The following ZNF609 variants were observed in gnomAD, a reference collection of about 807,000 sequenced individuals.
ZNF609 encodes zinc finger protein 609.
Under a neutral mutation model 109.5 loss-of-function variants are expected in ZNF609, and 11 were observed. The ratio of observed to expected loss-of-function variants is 0.10; its 90% CI spans 0.06 to 0.17. The LOEUF is 0.17. ZNF609 is among the 10% of genes least tolerant of loss of function. The probability of loss-of-function intolerance (pLI) is 1.00; values close to 1 mark genes in which losing one functional copy is unlikely to be tolerated. For synonymous variants in ZNF609, 646 were observed against 662.0 expected (o/e 0.98, Z 0.37); for missense variants, 1,559 against 1,772.4 (o/e 0.88, Z 2.16).
intron 2 of ZNF609, among the ~76,000 whole-genome samples, chr15:64,552,544 G>A (rs927165147): frequency 2.0e-5 from 3 of 152,030 alleles, no homozygotes; most frequent in African/African-American, 2.4e-5. Flanking sequence ...TAGTAGGGAC[G>A]GGATTTTGCT....
intron 3 of ZNF609, chr15:64,643,634 C>T (rs1896292684): frequency 6.6e-6 from 1 of 152,140 alleles, no homozygotes. Context: ...GCATATTCAA[C>T]TTCTAGAGAA....
chr15:64,594,887 G>A (rs1378209415), intron 2 of ZNF609, among the ~76,000 whole-genome samples: 4 of 150,688 alleles, frequency 2.7e-5, no homozygotes, highest in East Asian at 2.0e-4. Context: ...TTAGCCGGGC[G>A]CAGTGGCGGG....
At chr15:64,531,094 G>C (rs752364106) in intron 2 of ZNF609, among the ~76,000 whole-genome samples, 6 of 152,102 alleles carry the variant, frequency 3.9e-5, no homozygotes, top group Admixed American at 6.6e-5. Context: ...TCTCCTGTGG[G>C]ACCATGGAAT....
intron 3 of ZNF609, among the ~76,000 whole-genome samples, chr15:64,640,396 T>G (rs942852133): frequency 1.6e-4 from 25 of 151,618 alleles, no homozygotes; most frequent in African/African-American, 4.9e-4. Context: ...ACTTGTGCTT[T>G]CTTTTTTTTT....
chr15:64,591,801 C>T (rs548412780), intron 2 of ZNF609, among the ~76,000 whole-genome samples: 1 of 151,818 alleles, frequency 6.6e-6, no homozygotes, highest in Non-Finnish European at 1.5e-5. Context: ...ACCTACCGTG[C>T]ACCGGGTTCA....
intron 2 of ZNF609, among the ~76,000 whole-genome samples, chr15:64,538,954 C>T (rs1022514223): frequency 6.6e-6 from 1 of 152,124 alleles, no homozygotes; most frequent in Non-Finnish European, 1.5e-5. Flanking sequence ...CCCGCTTCAG[C>T]CTCCTGAGTA....
At chr15:64,530,872 T>C (rs1894050884) in intron 2 of ZNF609, among the ~76,000 whole-genome samples, 1 of 152,168 alleles carries the variant, frequency 6.6e-6, no homozygotes, top group Non-Finnish European at 1.5e-5. Context: ...CTTAAGGAAA[T>C]TAGTTGTTTA....
At chr15:64,496,124 T>C (rs1270765659) in intron 1 of ZNF609, among the ~76,000 whole-genome samples, 1 of 152,208 alleles carries the variant, frequency 6.6e-6, no homozygotes, top group Non-Finnish European at 1.5e-5. Flanking sequence ...GCCTCTGTTA[T>C]CTTTTTAATG....
chr15:64,539,469 A>G (rs1297730364), intron 2 of ZNF609, among the ~76,000 whole-genome samples: 2 of 150,228 alleles, frequency 1.3e-5, no homozygotes, highest in Non-Finnish European at 3.0e-5. Flanking sequence ...GGCCTCCCCA[A>G]GTGCTGGGAT....
chr15:64,592,906 C>G, intron 2 of ZNF609: 1 of 740,448 alleles, frequency 1.4e-6, no homozygotes, highest in Non-Finnish European at 2.3e-6. Context: ...GAGCAAGACT[C>G]TTGTCTCAAA....
At chr15:64,484,435 T>C (rs1027156164) in intron 1 of ZNF609, among the ~76,000 whole-genome samples, 5 of 152,116 alleles carry the variant, frequency 3.3e-5, no homozygotes, top group African/African-American at 1.2e-4. Flanking sequence ...CCCAGCACTT[T>C]GGGAGGCAGA....
intron 2 of ZNF609, among the ~76,000 whole-genome samples, chr15:64,572,639 C>A (rs765477914): frequency 2.0e-5 from 3 of 151,962 alleles, no homozygotes; most frequent in Non-Finnish European, 2.9e-5. Context: ...ACACCTGTAA[C>A]CCCAGCACTT....
intron 1 of ZNF609, among the ~76,000 whole-genome samples, chr15:64,482,278 T>C (rs934147193): frequency 6.6e-6 from 1 of 152,192 alleles, no homozygotes; most frequent in Non-Finnish European, 1.5e-5. Flanking sequence ...TTTTTTCTGA[T>C]TGGAACGTGA....
At chr15:64,633,550 G>T (rs1324536419) in intron 3 of ZNF609, among the ~76,000 whole-genome samples, 2 of 152,198 alleles carry the variant, frequency 1.3e-5, no homozygotes, top group African/African-American at 2.4e-5. Context: ...AAGATGCTGG[G>T]ATTACAGGCG....
chr15:64,503,645 C>T (rs1264670835), intron 2 of ZNF609, among the ~76,000 whole-genome samples: 1 of 152,178 alleles, frequency 6.6e-6, no homozygotes, highest in African/African-American at 2.4e-5. Flanking sequence ...CAAGTAGGCT[C>T]TAGTAGTTAA....
chr15:64,542,778 G>A (rs1894288315), intron 2 of ZNF609, among the ~76,000 whole-genome samples: 1 of 152,114 alleles, frequency 6.6e-6, no homozygotes, highest in Non-Finnish European at 1.5e-5. Context: ...CACTTTCTCT[G>A]CCTTAGTTGG....
At chr15:64,507,549 C>G (rs757546072) in intron 2 of ZNF609, among the ~76,000 whole-genome samples, 13 of 152,306 alleles carry the variant, frequency 8.5e-5, no homozygotes, top group African/African-American at 3.1e-4. Context: ...CAGTGCAGAG[C>G]CTTCTGGTGC....
At chr15:64,671,019 C>G (rs1443840043) in intron 4 of ZNF609, among the ~76,000 whole-genome samples, 1 of 151,462 alleles carries the variant, frequency 6.6e-6, no homozygotes, top group Non-Finnish European at 1.5e-5. Context: ...ACCATCCTGG[C>G]TAACACAGTG....
chr15:64,620,899 T>C (rs1188590234), intron 2 of ZNF609, among the ~76,000 whole-genome samples: 1 of 152,182 alleles, frequency 6.6e-6, no homozygotes, highest in South Asian at 2.1e-4. Context: ...AAATGGATTA[T>C]AGATAGAGTG....
Sources: allele counts gnomAD v4.1 joint callset (sites outside exome capture counted in the v4.1 genomes callset), GRCh38; gene constraint gnomAD v4.1.1; transcripts MANE v1.5; gene names NCBI Gene and HGNC (gene_info 2026-07-23, HGNC 2026-07-21).